SEMA6D: variants seen among roughly 807,000 people sequenced by gnomAD.
The protein encoded by SEMA6D is semaphorin-6D.
A neutral mutation model predicts 106.6 loss-of-function variants in SEMA6D; 35 were observed. The observed-to-expected ratio is 0.33, with a 90% CI of 0.25 to 0.44. The LOEUF (loss-of-function observed/expected upper bound fraction) is 0.44. SEMA6D is among the 20% of genes least tolerant of loss of function. SEMA6D has a pLI of 1.00. For missense variants in SEMA6D, 1,185 were observed against 1,345.9 expected, an observed-to-expected ratio of 0.88 and a Z score of 1.87; for synonymous variants, 499 against 487.7, an observed-to-expected ratio of 1.02 and a Z score of -0.31.
At chr15:47,766,509 C>G in intron 15 of SEMA6D, 107 bp from the exon 16 acceptor site, 1 of 902,624 alleles carries the variant, frequency 1.1e-6, no homozygotes, top group East Asian at 2.5e-5. Flanking sequence ...TTTTCTCTCT[C>G]TGCCCATTCT....
At position 47,771,553 on chromosome 15, in the gene SEMA6D, G is replaced by A. The variant is rs377413546; in HGVS notation, c.2990G>A (p.Arg997His). The A allele has an allele frequency of 2.5e-5, 41 of 1,613,946 alleles. No individual in the cohort carries two copies. The highest frequency in any genetic ancestry group is 1.3e-4 in the East Asian group (6 of 44,876). The stretch of plus-strand genomic sequence containing the variant: ...TTATCCAGACAGCCTAGTATGAACC[G>A]TGGAGGATATATGCCCACCCCCACT... ...VLLSRQPSMN[R>H]GGYMPTPTGA... The change falls in exon 19 of 19, where the codon CGT becomes CAT. Residue 997 changes from arginine (R) to histidine (H), a missense_variant. Transcript: ENST00000536845.
chr15:47,340,594 T>A (rs771101896), intron 1 of SEMA6D, among the ~76,000 whole-genome samples: 4 of 152,162 alleles, frequency 2.6e-5, no homozygotes, highest in African/African-American at 7.2e-5. Context: ...AAATATTAAC[T>A]TTTTCCAAGG....
intron 1 of SEMA6D, among the ~76,000 whole-genome samples, chr15:47,352,128 G>GA (rs2038350170): frequency 6.6e-6 from 1 of 152,024 alleles, no homozygotes; most frequent in Non-Finnish European, 1.5e-5. Flanking sequence ...TTGAATAAAA[G>GA]AAAAATTAAT....
intron 4 of SEMA6D, among the ~76,000 whole-genome samples, chr15:47,641,253 TG>T (rs2077484162): frequency 7.0e-6 from 1 of 143,204 alleles, no homozygotes; most frequent in Non-Finnish European, 1.6e-5. Flanking sequence ...AGAAATATCA[TG>T]GCTTTAAGCA....
rs530335383 is a variant in SEMA6D, at chr15:47,278,564, G to T, written c.-239+94146G>T. The stretch of plus-strand genomic sequence containing the variant: ...AAAATTTTCTCCCATTTTGTAGGTT[G>T]CCTGTTCAATCTGATGGTAGTTTCT... On this transcript the variant is annotated intron_variant, in intron 1 of 19. Coordinates refer to the SEMA6D transcript ENST00000558014. Among the ~76,000 whole-genome samples the T allele has an allele frequency of 1.4e-4, 21 of 152,194 alleles. 1 individual carries two copies. In the East Asian group the frequency reaches 4.1e-3, roughly 29 times the overall value.
intron 2 of SEMA6D, among the ~76,000 whole-genome samples, chr15:47,468,889 A>G (rs1318634203): frequency 6.6e-6 from 1 of 152,142 alleles, no homozygotes; most frequent in Non-Finnish European, 1.5e-5. Flanking sequence ...AATGATTTCC[A>G]AGACCAATTC....
At chr15:47,618,798 G>A (rs2077050469) in intron 4 of SEMA6D, among the ~76,000 whole-genome samples, 1 of 152,218 alleles carries the variant, frequency 6.6e-6, no homozygotes, top group Admixed American at 6.5e-5. Flanking sequence ...TGTTAACTGA[G>A]TGTAAATATC....
intron 3 of SEMA6D, among the ~76,000 whole-genome samples, chr15:47,508,284 C>A (rs758930178): frequency 1.3e-5 from 2 of 152,058 alleles, no homozygotes; most frequent in Non-Finnish European, 2.9e-5. Flanking sequence ...ATATTTTTCC[C>A]CAAAAAACGA....
intron 1 of SEMA6D, among the ~76,000 whole-genome samples, chr15:47,394,117 C>T (rs1179635246): frequency 3.9e-5 from 6 of 152,126 alleles, no homozygotes; most frequent in Non-Finnish European, 7.3e-5. Flanking sequence ...GTCATGGGTA[C>T]ATTGTCTGCA....
intron 1 of SEMA6D, among the ~76,000 whole-genome samples, chr15:47,219,489 T>C (rs1566933352): frequency 6.6e-6 from 1 of 152,248 alleles, no homozygotes; most frequent in East Asian, 1.9e-4. Flanking sequence ...TGGTATGTTC[T>C]ACCTGGGTCT....
At chr15:47,233,001 A>G (rs979437894) in intron 1 of SEMA6D, among the ~76,000 whole-genome samples, 2 of 152,004 alleles carry the variant, frequency 1.3e-5, no homozygotes, top group African/African-American at 4.8e-5. Context: ...TGTCATATTT[A>G]AGAAACCATT....
At chr15:47,639,254 G>T (rs2077447772) in intron 4 of SEMA6D, among the ~76,000 whole-genome samples, 1 of 152,148 alleles carries the variant, frequency 6.6e-6, no homozygotes, top group Non-Finnish European at 1.5e-5. Context: ...GAAATACAAT[G>T]GTGGGATATG....
At chr15:47,298,026 G>A (rs1595672989) in intron 1 of SEMA6D, among the ~76,000 whole-genome samples, 2 of 152,222 alleles carry the variant, frequency 1.3e-5, no homozygotes, top group South Asian at 2.1e-4. Flanking sequence ...TAAGAGTTTC[G>A]GATTTTACTC....
chr15:47,528,998 GA>G (rs2044856120), intron 3 of SEMA6D, among the ~76,000 whole-genome samples: 1 of 152,004 alleles, frequency 6.6e-6, no homozygotes, highest in African/African-American at 2.4e-5. Context: ...GTAAGCTGGG[GA>G]AAAATGTTAT....
chr15:47,195,060 C>T (rs759002280), intron 1 of SEMA6D, among the ~76,000 whole-genome samples: 1 of 152,126 alleles, frequency 6.6e-6, no homozygotes, highest in Non-Finnish European at 1.5e-5. Flanking sequence ...TTTCCAGATG[C>T]CTATTTCTCC....
rs530513264 is a variant in SEMA6D, at chr15:47,376,476, C to T, written c.-238-35917C>T. Among the ~76,000 whole-genome samples the T allele has an allele frequency of 3.9e-5, 6 of 152,294 alleles. No homozygotes were observed. In the South Asian group the frequency reaches 6.2e-4, roughly 16 times the overall value. On this transcript the variant is annotated intron_variant, in intron 1 of 19. Transcript: ENST00000558014. Reference sequence around the variant, plus strand: ...AGTTGGCTCCATCATAATGTCCACCCGGTGGTTATGTGAATGGTTGTTTAT... The same window carrying T: ...AGTTGGCTCCATCATAATGTCCACCTGGTGGTTATGTGAATGGTTGTTTAT...
At chr15:47,339,001 G>A (rs2037692063) in intron 1 of SEMA6D, 1 of 152,098 alleles carries the variant, frequency 6.6e-6, no homozygotes, top group Non-Finnish European at 1.5e-5. Flanking sequence ...TGTACTTTTT[G>A]TCCAATCACA....
chr15:47,323,763 T>A (rs2037017690), intron 1 of SEMA6D, among the ~76,000 whole-genome samples: 1 of 152,176 alleles, frequency 6.6e-6, no homozygotes, highest in Non-Finnish European at 1.5e-5. Context: ...CTTTAAAGAC[T>A]GACTGGAGTC....
chr15:47,749,256 AT>A (rs963394604), intron 1 of SEMA6D, among the ~76,000 whole-genome samples: 1 of 151,432 alleles, frequency 6.6e-6, no homozygotes, highest in Non-Finnish European at 1.5e-5. Flanking sequence ...TAATTTTTGT[AT>A]TTTTACTAGA....
Sources: allele counts gnomAD v4.1 joint callset (sites outside exome capture counted in the v4.1 genomes callset), GRCh38; gene constraint gnomAD v4.1.1; transcripts MANE v1.5; gene names NCBI Gene and HGNC (gene_info 2026-07-23, HGNC 2026-07-21).